Variants in VAV1 observed in about 807,000 individuals in gnomAD.
The protein encoded by VAV1 is proto-oncogene vav.
VAV1 carries 33 observed loss-of-function variants against 128.1 expected under a neutral mutation model. The ratio of observed to expected loss-of-function variants is 0.26; its 90% CI spans 0.20 to 0.34. The LOEUF is 0.34. VAV1 is among the 10% of genes least tolerant of loss of function. The pLI is 1.00. For missense variants in VAV1, 715 were observed against 1,093.7 expected (o/e 0.65, Z 4.88); for synonymous variants, 394 against 409.8 (o/e 0.96, Z 0.47).
At chr19:6,796,981 T>G (rs1331728590) in intron 1 of VAV1, among the ~76,000 whole-genome samples, 1 of 152,132 alleles carries the variant, frequency 6.6e-6, no homozygotes, top group Non-Finnish European at 1.5e-5. Flanking sequence ...CTCACATCTG[T>G]AATTCCAGCA....
intron 9 of VAV1, among the ~76,000 whole-genome samples, chr19:6,827,561 A>G (rs992180454): frequency 6.6e-6 from 1 of 152,060 alleles, no homozygotes; most frequent in African/African-American, 2.4e-5. Context: ...GGCCTGAGCA[A>G]TCGTGCCCAG....
intron 13 of VAV1, among the ~76,000 whole-genome samples, chr19:6,829,287 A>T (rs1599662757): frequency 7.5e-6 from 1 of 132,650 alleles, no homozygotes; most frequent in African/African-American, 3.0e-5. Context: ...CTGGGTAGGG[A>T]TGGGGCCAGG....
At chr19:6,792,835 G>A (rs528509990) in intron 1 of VAV1, among the ~76,000 whole-genome samples, 2 of 152,168 alleles carry the variant, frequency 1.3e-5, no homozygotes, top group East Asian at 1.9e-4. Context: ...GGAGGGCTTG[G>A]TGTGTTATTG....
chr19:6,799,716 A>G (rs1374270876), intron 1 of VAV1, among the ~76,000 whole-genome samples: 4 of 151,890 alleles, frequency 2.6e-5, no homozygotes, highest in African/African-American at 9.7e-5. Context: ...ATGGTGGCAC[A>G]TGCCTGTAGT....
chr19:6,840,337 G>A lies in VAV1; in HGVS notation c.1981-2798G>A, dbSNP rs1972342144. On this transcript the variant is annotated intron_variant, in intron 21 of 26. Coordinates refer to ENST00000602142, the MANE Select transcript of VAV1 (RefSeq NM_005428.4). ...TTTTTTTTTGGTGAAATGGAGTCTC[G>A]CTCTGTCACCCAAGCTGGAGAGCAG... is the stretch of plus-strand genomic sequence containing the variant. 4.2e-5 allele frequency among the ~76,000 whole-genome samples: 6 copies of A among 142,560 alleles called. No individual in the cohort carries two copies. In the South Asian group the frequency reaches 1.3e-3, roughly 31 times the overall value. 93.5% of individuals were successfully genotyped at this position (142,560 alleles called of 152,430 possible).
intron 1 of VAV1, among the ~76,000 whole-genome samples, chr19:6,776,472 CCATCCATT>C (rs1204076794): frequency 3.4e-5 from 5 of 146,816 alleles, no homozygotes; most frequent in African/African-American, 7.5e-5. Flanking sequence ...ACCCATCCAT[CCATCCATT>C]CATCCATTCA....
chr19:6,844,063 C>CTTTTTTTTTTTTTTTTTTTTTTT lies in VAV1; in HGVS notation c.2012+916_2012+938dup, dbSNP rs71177123. 2.8e-3 allele frequency among the ~76,000 whole-genome samples: 59 copies of CTTTTTTTTTTTTTTTTTTTTTTT among 21,326 alleles called. 21 individuals are homozygous for CTTTTTTTTTTTTTTTTTTTTTTT. Among genetic ancestry groups the CTTTTTTTTTTTTTTTTTTTTTTT allele is most frequent in the East Asian group, 9.0e-3 (4 of 446 alleles). The allele number at this position is 21,326 out of a possible 152,430, so 14.0% of individuals were successfully genotyped here. A position where few individuals can be genotyped will look rare whatever the true frequency, so the allele number is the denominator to read the frequency against. On this transcript the variant is annotated intron_variant, in intron 22 of 26. Coordinates refer to ENST00000602142, the MANE Select transcript of VAV1 (RefSeq NM_005428.4). ...ACTTTCTTCTTTTCTTCTTCTTCTT[C>CTTTTTTTTTTTTTTTTTTTTTTT]TTTTTTTTTTTTTTTTTTTTTTTTT...
At chr19:6,850,115 G>T (rs891528309) in intron 23 of VAV1, among the ~76,000 whole-genome samples, 27 of 149,064 alleles carry the variant, frequency 1.8e-4, no homozygotes, top group Non-Finnish European at 3.3e-4. Flanking sequence ...TGTTATTTTT[G>T]GCTCCTGTGA....
intron 1 of VAV1, among the ~76,000 whole-genome samples, chr19:6,800,391 C>T (rs947550615): frequency 2.0e-5 from 3 of 151,402 alleles, no homozygotes; most frequent in Admixed American, 1.3e-4. Flanking sequence ...CTCACTGCAA[C>T]CTCTGCCTCC....
intron 1 of VAV1, among the ~76,000 whole-genome samples, chr19:6,784,528 C>T (rs187053410): frequency 7.5e-5 from 11 of 146,810 alleles, no homozygotes; most frequent in African/African-American, 2.8e-4. Context: ...GAGTTTCACT[C>T]TCTCTCCCAG....
chr19:6,792,655 TC>T (rs1485815807), intron 1 of VAV1, among the ~76,000 whole-genome samples: 1 of 151,508 alleles, frequency 6.6e-6, no homozygotes, highest in African/African-American at 2.4e-5. Context: ...CAGGTGATCC[TC>T]CCATCCCAGC....
At chr19:6,836,719 C>CTT (rs1972231215) in intron 20 of VAV1, 151 bp downstream of exon 20, 1 of 1,311,008 alleles carries the variant, frequency 7.6e-7, no homozygotes, top group East Asian at 2.5e-5. Flanking sequence ...CTGGGCATGG[C>CTT]TTTTCTGAGC....
chr19:6,790,555 C>T (rs149712876), intron 1 of VAV1, among the ~76,000 whole-genome samples: 3 of 152,176 alleles, frequency 2.0e-5, no homozygotes, highest in East Asian at 1.9e-4. Context: ...CCAGGACAGG[C>T]GAGCCCCTAG....
In VAV1 at chr19:6,832,623, T is replaced by C. The variant is rs60137935; in HGVS notation, c.1508+423T>C. Among the ~76,000 whole-genome samples, 335 of 75,720 alleles carry C rather than the reference T, an allele frequency of 4.4e-3. 1 individual carries two copies. The highest frequency in any genetic ancestry group is 7.9e-3 in the Middle Eastern group (1 of 126). 49.7% of individuals were successfully genotyped at this position (75,720 alleles called of 152,430 possible). On this transcript the variant is annotated intron_variant, in intron 15 of 26. Coordinates refer to ENST00000602142, the MANE Select transcript of VAV1 (RefSeq NM_005428.4). ...CTTCCTCCTATTCCTCCTCCACCTC[T>C]TCTTCCTCCTCCTCCCTTTCCTCCC...
chr19:6,827,294 G>T (rs1314608409), intron 9 of VAV1, among the ~76,000 whole-genome samples: 2 of 151,882 alleles, frequency 1.3e-5, no homozygotes, highest in East Asian at 3.9e-4. Context: ...TTGAGACAGG[G>T]TCTCATTCTG....
chr19:6,845,342 G>T (rs893899310), intron 22 of VAV1, among the ~76,000 whole-genome samples: 2 of 152,082 alleles, frequency 1.3e-5, no homozygotes, highest in African/African-American at 4.8e-5. Flanking sequence ...CCGAGATTGC[G>T]CCATTGCACT....
chr19:6,784,168 C>T (rs143848722), intron 1 of VAV1: 6 of 567,512 alleles, frequency 1.1e-5, no homozygotes, highest in East Asian at 2.9e-5. Flanking sequence ...GCAGGAGGAT[C>T]GCTTGAGCCC....
intron 14 of VAV1, among the ~76,000 whole-genome samples, chr19:6,830,602 G>T (rs1360014247): frequency 6.6e-6 from 1 of 151,858 alleles, no homozygotes; most frequent in Non-Finnish European, 1.5e-5. Context: ...ACCATGCCCA[G>T]CTAAATTTTG....
At position 6,772,972 on chromosome 19, in the gene VAV1, C is replaced by A. The variant is rs780725542; in HGVS notation, c.165C>A (p.Ile55=). 1 of 1,614,158 alleles carries A rather than the reference C, an allele frequency of 6.2e-7. No individual in the cohort carries two copies. The highest frequency in any genetic ancestry group is 8.5e-7 in the Non-Finnish European group (1 of 1,180,010). Reference sequence around the variant, plus strand: ...TTAACAACCTGCTACCCCATGCCATCAACCTGCGTGAGGTCAACCTGCGCC... The same window carrying A: ...TTAACAACCTGCTACCCCATGCCATAAACCTGCGTGAGGTCAACCTGCGCC... ...QLLNNLLPHA[I]NLREVNLRPQ... The change falls in exon 1 of 27, where the codon ATC becomes ATA. Residue 55 remains isoleucine, a synonymous_variant. Transcript: ENST00000602142. The surrounding 1 kb of genome is among the most constrained non-coding windows in gnomAD (Gnocchi z 4.8).
Sources: gnomAD v4.1 joint callset for allele counts (sites outside exome capture counted in the v4.1 genomes callset) on GRCh38, gnomAD v4.1.1 for gene constraint, Gnocchi (gnomAD v3.1) non-coding constraint, MANE v1.5 for transcripts, NCBI Gene and HGNC (gene_info 2026-07-23, HGNC 2026-07-21) for gene names.